The following UBN1 variants were observed in gnomAD, a reference collection of about 807,000 sequenced individuals.
UBN1 encodes ubinuclein-1.
UBN1 carries 17 observed loss-of-function variants against 108.5 expected under a neutral mutation model. The ratio of observed to expected loss-of-function variants is 0.16; its 90% CI spans 0.11 to 0.24. UBN1 has a LOEUF of 0.24. UBN1 is among the 10% of genes least tolerant of loss of function. UBN1 has a pLI of 1.00. For missense variants in UBN1, 1,595 were observed against 1,394.4 expected, an observed-to-expected ratio of 1.14 and a Z score of -2.29; for synonymous variants, 726 against 564.2, an observed-to-expected ratio of 1.29 and a Z score of -4.07.
At chr16:4,852,104 T>C (rs1453836039) in intron 1 of UBN1, 1 of 152,236 alleles carries the variant, frequency 6.6e-6, no homozygotes, top group Non-Finnish European at 1.5e-5. Flanking sequence ...TCTTTATTTA[T>C]TGGTATGGTA....
At chr16:4,855,372 T>C (rs2086753842) in intron 2 of UBN1, among the ~76,000 whole-genome samples, 1 of 152,090 alleles carries the variant, frequency 6.6e-6, no homozygotes, top group Non-Finnish European at 1.5e-5. Flanking sequence ...CCCAGCACTT[T>C]GGGAGTCTGA....
At chr16:4,868,973 G>C (rs2087473181) in intron 8 of UBN1, 70 bp downstream of exon 8, 1 of 1,532,356 alleles carries the variant, frequency 6.5e-7, no homozygotes, top group Non-Finnish European at 9.0e-7. Flanking sequence ...AAGCCAGCTA[G>C]GGGACAGTGG....
chr16:4,868,657 A>G (rs1227565004), intron 7 of UBN1, among the ~76,000 whole-genome samples, 176 bp from the exon 8 acceptor site: 1 of 152,222 alleles, frequency 6.6e-6, no homozygotes, highest in Non-Finnish European at 1.5e-5. Context: ...GCATTTGAAA[A>G]GAGAATATTG....
At chr16:4,861,637 A>G (rs978958662) in intron 7 of UBN1, among the ~76,000 whole-genome samples, 1 of 152,240 alleles carries the variant, frequency 6.6e-6, no homozygotes, top group Non-Finnish European at 1.5e-5. Flanking sequence ...AATGCTGTCC[A>G]TGTCCCATTA....
At chr16:4,849,089 C>T (rs773931071) in intron 1 of UBN1, among the ~76,000 whole-genome samples, 3 of 152,064 alleles carry the variant, frequency 2.0e-5, no homozygotes, top group South Asian at 2.1e-4. Flanking sequence ...ACAGAGCGAG[C>T]GAGACTCGTC....
intron 15 of UBN1, among the ~76,000 whole-genome samples, chr16:4,876,613 T>C (rs578235353): frequency 2.0e-5 from 3 of 152,158 alleles, no homozygotes; most frequent in East Asian, 3.9e-4. Flanking sequence ...CTGCAACCTC[T>C]GTAGGAGACA....
chr16:4,852,886 G>C lies in UBN1; in HGVS notation c.-32G>C. ...TCTTTTCAATGTTAACAGAAGCCATGCAGTGACACCCGCTAAGACTTGTTG... is the reference window on the plus strand; with the variant it reads ...TCTTTTCAATGTTAACAGAAGCCATCCAGTGACACCCGCTAAGACTTGTTG... On this transcript the variant is annotated 5_prime_UTR_variant, in exon 2 of 18. It removes an upstream start codon present in the reference 5' UTR. Coordinates refer to ENST00000262376, the MANE Select transcript of UBN1 (RefSeq NM_001079514.3). 1 of 1,594,794 alleles carries C rather than the reference G, an allele frequency of 6.3e-7. No individual in the cohort carries two copies. Among genetic ancestry groups the C allele is most frequent in the Non-Finnish European group, 8.6e-7 (1 of 1,168,038 alleles).
chr16:4,861,585 G>A (rs965020579), intron 7 of UBN1, among the ~76,000 whole-genome samples: 1 of 152,226 alleles, frequency 6.6e-6, no homozygotes, highest in African/African-American at 2.4e-5. Flanking sequence ...AGTGATTACA[G>A]GAATGCCTCA....
At position 4,858,042 on chromosome 16, in the gene UBN1, T is replaced by G; in HGVS notation, c.302T>G (p.Val101Gly). ...FNDEEKERHK[V>G]EALARKFEEK... ...GACGAAGAAAAGGAAAGGCATAAAGTAGAGGCCCTTGCCCGAAAATTTGAA... is the reference window on the plus strand; with the variant it reads ...GACGAAGAAAAGGAAAGGCATAAAGGAGAGGCCCTTGCCCGAAAATTTGAA... The change falls in exon 3 of 18, where the codon GTA becomes GGA. Residue 101 changes from valine to glycine, a missense_variant. Transcript: ENST00000262376. 1 of 1,613,572 alleles carries G rather than the reference T, an allele frequency of 6.2e-7. No homozygotes were observed. The highest frequency in any genetic ancestry group is 2.2e-5 in the East Asian group (1 of 44,878).
Position 4,877,595 on chromosome 16 carries a change from T to G in UBN1, c.3355+121T>G, listed in dbSNP as rs1281888143. On this transcript the variant is annotated intron_variant, in intron 17 of 17. Coordinates refer to ENST00000262376, the MANE Select transcript of UBN1 (RefSeq NM_001079514.3). This position sits in a 1 kb window ranked among gnomAD's most constrained non-coding sequence, Gnocchi z 4.3. ...GCCTTGACGCTGTTGTTGTTTTGGT[T>G]TGTCCTTTGAGGCTGTGCTTTGTCA... 1 of 1,437,942 alleles carries G rather than the reference T, an allele frequency of 7.0e-7. No individual in the cohort carries two copies. Among genetic ancestry groups the G allele is most frequent in the African/African-American group, 1.4e-5 (1 of 69,056 alleles). The allele number at this position is 1,437,942 out of a possible 1,614,324, so 89.1% of individuals were successfully genotyped here.
intron 14 of UBN1, among the ~76,000 whole-genome samples, 179 bp downstream of exon 14, chr16:4,873,252 G>A (rs114293661): frequency 9.5e-4 from 144 of 152,308 alleles, no homozygotes; most frequent in African/African-American, 3.4e-3. Flanking sequence ...CCCCCCTCTA[G>A]CCTTGGTTCT....
rs767436445 is a variant in UBN1 at position 4,875,377 on chromosome 16, C to G, written c.2967C>G (p.Thr989=). Residue 989 remains threonine (T), a synonymous_variant, in exon 15 of 18, where the codon ACC becomes ACG. Coordinates refer to ENST00000262376, the MANE Select transcript of UBN1 (RefSeq NM_001079514.3). ...GGTQGVAKLL[T]SPSLKPSAVS... ...CCCAGGGAGTGGCAAAGTTGCTGAC[C>G]TCGCCGTCCCTAAAGCCCTCTGCAG... The G allele has an allele frequency of 6.2e-7, 1 of 1,614,152 alleles. No individual in the cohort carries two copies.
chr16:4,868,671 G>A (rs1413486615), intron 7 of UBN1, among the ~76,000 whole-genome samples, 162 bp from the exon 8 acceptor site: 2 of 152,306 alleles, frequency 1.3e-5, no homozygotes, highest in South Asian at 2.1e-4. Context: ...AATATTGATC[G>A]CAGGCGAACT....
At chr16:4,874,104 G>A in intron 14 of UBN1, 107 bp from the exon 15 acceptor site, 2 of 1,389,258 alleles carry the variant, frequency 1.4e-6, no homozygotes, top group Non-Finnish European at 1.9e-6. Context: ...AATTATACAG[G>A]AAGGCCCAGT....
Position 4,874,324 on chromosome 16 carries a change from C to G in UBN1, c.1914C>G (p.Ser638Arg), listed in dbSNP as rs2087779396. 1.2e-6 allele frequency: 2 copies of G among 1,614,180 alleles called. No homozygotes were observed. Among genetic ancestry groups the G allele is most frequent in the Non-Finnish European group, 1.7e-6 (2 of 1,180,042 alleles). Residue 638 changes from serine (S) to arginine (R), a missense_variant, in exon 15 of 18, where the codon AGC (serine) becomes AGG (arginine). By Grantham distance (110) the Ser-to-Arg change is moderately radical. This residue lies in a region of UBN1 where 1,398 missense variants were observed against 1,194.7 expected (regional missense o/e 1.17). Transcript: ENST00000262376. The stretch of plus-strand genomic sequence containing the variant: ...GAGGCCTGAGTATTGGGGCCTCGAG[C>G]AGGGAGCTCCCATCCCAGGCATCGG... ...QTGGLSIGAS[S>R]RELPSQASGG...
chr16:4,871,019 GTGTC>G, intron 11 of UBN1, 47 bp downstream of exon 11: 1 of 1,611,312 alleles, frequency 6.2e-7, no homozygotes, highest in Middle Eastern at 1.7e-4. Flanking sequence ...TGGTGGGGCA[GTGTC>G]TGAGCACGTC....
chr16:4,860,946 T>C lies in UBN1; in HGVS notation c.954T>C (p.His318=). 1 of 1,614,260 alleles carries C rather than the reference T, an allele frequency of 6.2e-7. No individual in the cohort carries two copies. The highest frequency in any genetic ancestry group is 1.1e-5 in the South Asian group (1 of 91,088). Residue 318 remains histidine, a synonymous_variant, in exon 7 of 18, where the codon CAT becomes CAC. Coordinates refer to ENST00000262376, the MANE Select transcript of UBN1 (RefSeq NM_001079514.3). ...CGCTGACGGATTTGGACTTGGAGCA[T>C]CTGCTCAGTGAGTCTCCAGAAGGAA... ...MDSLTDLDLE[H]LLSESPEGSP... is the part of the protein sequence containing the mutation.
chr16:4,859,190 A>C lies in UBN1; in HGVS notation c.567+31A>C, dbSNP rs200405109. On this transcript the variant is annotated intron_variant, in intron 5 of 17. Transcript: ENST00000262376. Reference sequence around the variant, plus strand: ...AATGTGCTTGCTTTTGGATTTCAGAAATGCTTTTTGACGTGACCCTATCAG... The same window carrying C: ...AATGTGCTTGCTTTTGGATTTCAGACATGCTTTTTGACGTGACCCTATCAG... 110 of 1,605,274 alleles carry C rather than the reference A, an allele frequency of 6.9e-5. 1 individual carries two copies. In the African/African-American group the frequency reaches 1.4e-3, roughly 20 times the overall value.
chr16:4,874,800 T>G lies in UBN1; in HGVS notation c.2390T>G (p.Val797Gly), dbSNP rs781613416. Residue 797 changes from valine (V) to glycine (G), a missense_variant, in exon 15 of 18, where the codon GTT becomes GGT. By Grantham distance (109) the Val-to-Gly change is moderately radical (BLOSUM62 -3). Around this residue, in one of 3 missense-constraint regions of UBN1, gnomAD observed 1,398 missense variants for 1,194.7 expected, o/e 1.17. Transcript: ENST00000262376. ...PRTSHGPQVA[V>G]PVPGPQVKVF... ...ACGTCTCACGGGCCCCAAGTGGCAGTTCCTGTGCCTGGCCCCCAGGTCAAA... is the reference window on the plus strand; with the variant it reads ...ACGTCTCACGGGCCCCAAGTGGCAGGTCCTGTGCCTGGCCCCCAGGTCAAA... 1 of 1,614,090 alleles carries G rather than the reference T, an allele frequency of 6.2e-7. No individual in the cohort carries two copies.
Sources: gnomAD v4.1 joint callset for allele counts (sites outside exome capture counted in the v4.1 genomes callset) on GRCh38, gnomAD v4.1.1 for gene constraint, gnomAD v4.1.1 regional missense constraint, Gnocchi (gnomAD v3.1) non-coding constraint, MANE v1.5 for transcripts, NCBI Gene and HGNC (gene_info 2026-07-23, HGNC 2026-07-21) for gene names.